ARB2A: variants seen among roughly 807,000 people sequenced by gnomAD.
ARB2A encodes cotranscriptional regulator ARB2A.
At chr5:93,792,514 G>C in the ARB2A span, among the ~76,000 whole-genome samples, 342 of 152,188 alleles carry the variant, frequency 2.2e-3, 5 homozygotes, top group African/African-American at 7.8e-3. Context: ...GGCAGGTTAA[G>C]ATACATTCCC....
chr5:93,958,712 T>TA, the ARB2A span: 1 of 1,164,926 alleles, frequency 8.6e-7, no homozygotes, highest in Non-Finnish European at 1.2e-6. Context: ...TGAAGAAACA[T>TA]AAAAACATAT....
At chr5:93,846,683 TTAA>T in the ARB2A span, among the ~76,000 whole-genome samples, 1 of 152,134 alleles carries the variant, frequency 6.6e-6, no homozygotes, top group Non-Finnish European at 1.5e-5. Flanking sequence ...AATATACTTA[TTAA>T]TATTATAATA....
At chr5:93,674,449 C>A in the ARB2A span, among the ~76,000 whole-genome samples, 1 of 152,178 alleles carries the variant, frequency 6.6e-6, no homozygotes, top group Admixed American at 6.5e-5. Context: ...CAAGCTACAA[C>A]CAGGCACACA....
the ARB2A span, among the ~76,000 whole-genome samples, chr5:93,792,873 G>C: frequency 1.3e-5 from 2 of 151,728 alleles, no homozygotes; most frequent in Admixed American, 6.6e-5. Flanking sequence ...ATAAAAAAAA[G>C]ATACATTCCA....
the ARB2A span, among the ~76,000 whole-genome samples, chr5:93,654,156 G>A: frequency 2.0e-5 from 3 of 152,058 alleles, no homozygotes; most frequent in Non-Finnish European, 2.9e-5. Context: ...AATGAAAACC[G>A]GTGAGTCTGA....
the ARB2A span, among the ~76,000 whole-genome samples, chr5:93,744,315 A>G: frequency 1.3e-5 from 2 of 151,440 alleles, no homozygotes; most frequent in Non-Finnish European, 2.9e-5. Flanking sequence ...CGGACCTGTA[A>G]TCCCAGCTAC....
chr5:93,913,100 G>T, the ARB2A span, among the ~76,000 whole-genome samples: 2 of 151,352 alleles, frequency 1.3e-5, no homozygotes. Context: ...TGTACTTCTG[G>T]TGCTAAGTCC....
At chr5:93,800,656 T>A in the ARB2A span, among the ~76,000 whole-genome samples, 4 of 152,222 alleles carry the variant, frequency 2.6e-5, no homozygotes, top group African/African-American at 9.6e-5. Context: ...TTACAGGTGG[T>A]GCTATAGATT....
the ARB2A span, among the ~76,000 whole-genome samples, chr5:93,639,247 A>G: frequency 6.6e-6 from 1 of 152,186 alleles, no homozygotes; most frequent in South Asian, 2.1e-4. Flanking sequence ...CTGTCACTTT[A>G]TGACAGATTC....
the ARB2A span, among the ~76,000 whole-genome samples, chr5:93,988,686 T>A: frequency 6.6e-6 from 1 of 152,178 alleles, no homozygotes; most frequent in Admixed American, 6.5e-5. Context: ...GTAATGGCAA[T>A]AAAATATTTT....
At chr5:93,894,703 T>C in the ARB2A span, among the ~76,000 whole-genome samples, 4 of 152,158 alleles carry the variant, frequency 2.6e-5, no homozygotes, top group Non-Finnish European at 4.4e-5. Context: ...AGCATCTGCA[T>C]TGTGTGCACT....
At chr5:93,943,899 T>C in the ARB2A span, among the ~76,000 whole-genome samples, 1 of 152,112 alleles carries the variant, frequency 6.6e-6, no homozygotes, top group East Asian at 1.9e-4. Context: ...AATCAAAACA[T>C]TAATGGCCAG....
At chr5:93,763,586 A>T in the ARB2A span, among the ~76,000 whole-genome samples, 1 of 152,216 alleles carries the variant, frequency 6.6e-6, no homozygotes, top group Non-Finnish European at 1.5e-5. Flanking sequence ...AGACTCCCAC[A>T]CAATAATAAT....
chr5:93,639,325 G>A, the ARB2A span, among the ~76,000 whole-genome samples: 6 of 152,104 alleles, frequency 3.9e-5, no homozygotes, highest in African/African-American at 1.4e-4. Context: ...TTAAGATCAT[G>A]TAGAAATAGA....
the ARB2A span, among the ~76,000 whole-genome samples, chr5:93,788,371 G>A: frequency 2.0e-5 from 3 of 152,172 alleles, no homozygotes; most frequent in Admixed American, 2.0e-4. Flanking sequence ...GAGGCAGCAA[G>A]GCTACCTCTG....
chr5:94,088,063 G>C, the ARB2A span, among the ~76,000 whole-genome samples: 4 of 152,168 alleles, frequency 2.6e-5, no homozygotes, highest in African/African-American at 9.7e-5. Flanking sequence ...ATATTTCTTA[G>C]GGATAATGCT....
chr5:94,074,741 GAAATAGACA>G, the ARB2A span: 1 of 1,611,358 alleles, frequency 6.2e-7, no homozygotes, highest in Non-Finnish European at 8.5e-7. Flanking sequence ...AGAGCTCAAG[GAAATAGACA>G]TCAATCTTCA....
chr5:93,869,839 C>A, the ARB2A span, among the ~76,000 whole-genome samples: 2 of 152,218 alleles, frequency 1.3e-5, no homozygotes, highest in Non-Finnish European at 2.9e-5. Context: ...GCTCCTAACT[C>A]CACTGCCTAT....
At chr5:93,684,548 T>C in the ARB2A span, among the ~76,000 whole-genome samples, 1 of 152,326 alleles carries the variant, frequency 6.6e-6, no homozygotes, top group South Asian at 2.1e-4. Flanking sequence ...AAGTGTAGCT[T>C]ACCTGTATAC....
Sources: gnomAD v4.1 joint callset for allele counts (sites outside exome capture counted in the v4.1 genomes callset) on GRCh38, gnomAD v4.1.1 for gene constraint, MANE v1.5 for transcripts, NCBI Gene and HGNC (gene_info 2026-07-23, HGNC 2026-07-21) for gene names.